The following BCORL1 variants were observed in gnomAD, a reference collection of about 807,000 sequenced individuals.
BCORL1 encodes BCL6 corepressor like 1.
BCORL1 carries 7 observed loss-of-function variants against 87.6 expected under a neutral mutation model. The ratio of observed to expected loss-of-function variants is 0.08; its 90% CI spans 0.05 to 0.15. The LOEUF is 0.15. Ranked by LOEUF, BCORL1 falls within the 10% of genes least tolerant of loss-of-function variation. BCORL1 has a pLI of 1.00. For synonymous variants in BCORL1, 591 were observed against 634.4 expected (o/e 0.93, Z 1.03); for missense variants, 1,215 against 1,499.7 (o/e 0.81, Z 3.13).
rs141901231 is a variant in BCORL1 at position 130,012,986 on chromosome X, C to T, written c.214C>T (p.Arg72Trp). 615 of 1,201,146 alleles carry T rather than the reference C, an allele frequency of 5.1e-4. No homozygotes were observed. The highest frequency in any genetic ancestry group is 6.6e-4 in the Non-Finnish European group (586 of 888,596). The change falls in exon 4 of 14, where the codon CGG (arginine) becomes TGG (tryptophan). Residue 72 changes from arginine to tryptophan, a missense_variant. By Grantham distance (101) the Arg-to-Trp change is moderately radical. Coordinates refer to ENST00000540052, the MANE Select transcript of BCORL1 (RefSeq NM_001379451.1). ...LTAVGSGSNA[R>W]GADPDGSATE... Reference sequence around the variant, plus strand: ...GGCAGTTGGAAGTGGCAGCAATGCCCGGGGGGCAGACCCAGATGGCAGTGC... The same window carrying T: ...GGCAGTTGGAAGTGGCAGCAATGCCTGGGGGGCAGACCCAGATGGCAGTGC...
chrX:129,985,051 C>T, intron 1 of BCORL1, among the ~76,000 whole-genome samples: 1 of 111,044 alleles, frequency 9.0e-6, no homozygotes, highest in Non-Finnish European at 1.9e-5. Flanking sequence ...GAGGTCGTCC[C>T]TGTGGTACAG....
intron 1 of BCORL1, among the ~76,000 whole-genome samples, chrX:130,001,645 G>A (rs1276898432): frequency 9.0e-6 from 1 of 110,622 alleles, no homozygotes; most frequent in Non-Finnish European, 1.9e-5. Context: ...GCCATTTCAG[G>A]GTGAGGAGGC....
At chrX:130,038,773 C>T (rs920879388) in intron 10 of BCORL1, among the ~76,000 whole-genome samples, 2 of 111,649 alleles carry the variant, frequency 1.8e-5, no homozygotes, top group African/African-American at 6.5e-5. Context: ...TGAGCCACCG[C>T]GCCCGGCTTC....
Position 130,025,194 on chromosome X carries a change from C to T in BCORL1, c.3893C>T (p.Ala1298Val). The T allele has an allele frequency of 1.7e-6, 2 of 1,211,378 alleles. No homozygotes were observed. The highest frequency in any genetic ancestry group is 3.5e-5 in the African/African-American group (2 of 57,766). Residue 1298 changes from alanine to valine, a missense_variant, in exon 7 of 14, where the codon GCC becomes GTC. Around this residue, in one of 5 missense-constraint regions of BCORL1, gnomAD observed 166 missense variants for 196.5 expected, o/e 0.84. Coordinates refer to ENST00000540052, the MANE Select transcript of BCORL1 (RefSeq NM_001379451.1). ...CAGGGCCGAAGGCACCTGTGGCGAG[C>T]CCGAGAAATGCCCTGGAGGACAGAG... is the stretch of plus-strand genomic sequence containing the variant. The part of the protein sequence containing the change: ...LSQGRRHLWR[A>V]REMPWRTEAA...
chrX:129,988,693 GC>G (rs1926820462), intron 1 of BCORL1, among the ~76,000 whole-genome samples: 1 of 111,440 alleles, frequency 9.0e-6, no homozygotes, highest in Non-Finnish European at 1.9e-5. Flanking sequence ...AGCAGGGAAA[GC>G]TTTGTGTTTT....
chrX:130,005,065 G>A, intron 1 of BCORL1, 123 bp from the exon 2 acceptor site: 1 of 425,110 alleles, frequency 2.4e-6, no homozygotes, highest in Non-Finnish European at 4.1e-6. Context: ...ATTTTCCATA[G>A]CAGGCTGGCT....
intron 2 of BCORL1, among the ~76,000 whole-genome samples, chrX:130,005,998 C>A (rs973419006): frequency 2.7e-5 from 3 of 111,127 alleles, no homozygotes; most frequent in Non-Finnish European, 5.7e-5. Flanking sequence ...TATTTTCAGT[C>A]TTTGATCTAG....
intron 8 of BCORL1, among the ~76,000 whole-genome samples, chrX:130,032,916 C>T (rs1930705626): frequency 9.2e-6 from 1 of 108,850 alleles, no homozygotes; most frequent in Non-Finnish European, 1.9e-5. Context: ...TACCTGGCAC[C>T]ACTCCCGGCT....
chrX:130,040,281 GAT>G (rs747278633), intron 11 of BCORL1, among the ~76,000 whole-genome samples: 2 of 112,385 alleles, frequency 1.8e-5, no homozygotes, highest in East Asian at 5.6e-4. Flanking sequence ...TATACCTCCA[GAT>G]ATATGGTTCC....
intron 4 of BCORL1, among the ~76,000 whole-genome samples, chrX:130,018,146 C>T (rs768391941): frequency 5.3e-5 from 6 of 112,353 alleles, no homozygotes; most frequent in African/African-American, 1.6e-4. Context: ...TGCTATTAGT[C>T]AAGCTACTTA....
intron 1 of BCORL1, among the ~76,000 whole-genome samples, chrX:129,984,001 G>A (rs552211389): frequency 2.8e-5 from 3 of 107,929 alleles, no homozygotes; most frequent in South Asian, 8.1e-4. Context: ...CCTAAGGGGC[G>A]TGAGGGACGG....
Position 130,014,725 on chromosome X carries a change from C to T in BCORL1, c.1953C>T (p.His651=). ...TPPMPVLTPV[H]TSSKALLSTV... ...CCATGCCTGTGTTGACCCCCGTGCA[C>T]ACCAGCAGCAAGGCCCTCCTCTCCA... Residue 651 remains histidine, a synonymous_variant, in exon 4 of 14, where the codon CAC becomes CAT. Transcript: ENST00000540052. 2.5e-6 allele frequency: 3 copies of T among 1,211,524 alleles called. No homozygotes were observed. The highest frequency in any genetic ancestry group is 3.4e-6 in the Non-Finnish European group (3 of 895,444).
intron 1 of BCORL1, among the ~76,000 whole-genome samples, chrX:130,000,896 T>TGTGTGTGTGTG (rs1569360173): frequency 3.2e-4 from 31 of 98,245 alleles, no homozygotes; most frequent in African/African-American, 1.2e-3. Flanking sequence ...GGTGGATGCT[T>TGTGTGTGTGTG]TGTGTGTGTG....
chrX:129,991,918 C>A (rs1927219667), intron 1 of BCORL1, among the ~76,000 whole-genome samples: 1 of 104,336 alleles, frequency 9.6e-6, no homozygotes, highest in Non-Finnish European at 2.0e-5. Context: ...TCCACCTCGG[C>A]CTCCCAAAGT....
At chrX:129,986,226 G>A (rs1403270862) in intron 1 of BCORL1, among the ~76,000 whole-genome samples, 1 of 111,787 alleles carries the variant, frequency 8.9e-6, no homozygotes, top group Non-Finnish European at 1.9e-5. Context: ...GGAAGGGACA[G>A]CAAATTTTTA....
intron 11 of BCORL1, among the ~76,000 whole-genome samples, chrX:130,045,792 A>T (rs1029108691): frequency 2.8e-5 from 3 of 108,980 alleles, no homozygotes; most frequent in African/African-American, 1.0e-4. Context: ...TAATTATTGC[A>T]TTTTTTGTAG....
chrX:130,007,352 A>C (rs1928583645), intron 2 of BCORL1, among the ~76,000 whole-genome samples: 1 of 112,657 alleles, frequency 8.9e-6, no homozygotes, highest in Non-Finnish European at 1.9e-5. Flanking sequence ...TCCTTTACAT[A>C]TGAAGCATGT....
chrX:129,989,122 G>T (rs1926848958), intron 1 of BCORL1, among the ~76,000 whole-genome samples: 1 of 110,102 alleles, frequency 9.1e-6, no homozygotes, highest in South Asian at 3.8e-4. Flanking sequence ...GTGGCAGGAG[G>T]CAAGTCACTT....
chrX:129,987,784 C>A (rs1926758555), intron 1 of BCORL1, among the ~76,000 whole-genome samples: 1 of 111,710 alleles, frequency 9.0e-6, no homozygotes, highest in African/African-American at 3.3e-5. Flanking sequence ...TGATTCTGGG[C>A]TGAGCTAAGC....
Sources: allele counts gnomAD v4.1 joint callset (sites outside exome capture counted in the v4.1 genomes callset), GRCh38; gene constraint gnomAD v4.1.1; regional missense constraint gnomAD v4.1.1; transcripts MANE v1.5; gene names NCBI Gene and HGNC (gene_info 2026-07-23, HGNC 2026-07-21).